Variants in CILP2 observed in about 807,000 individuals in gnomAD.
The protein encoded by CILP2 is CILP-2.
Under a neutral mutation model 45.6 loss-of-function variants are expected in CILP2, and 38 were observed. That is an observed-to-expected ratio of 0.83 (90% CI 0.64 to 1.09). The LOEUF is 1.09. Ranked by LOEUF, CILP2 falls within the 50% of genes least tolerant of loss-of-function variation. The pLI is 0.00. For synonymous variants in CILP2, 780 were observed against 723.5 expected, an observed-to-expected ratio of 1.08 and a Z score of -1.25; for missense variants, 1,735 against 1,662.2, an observed-to-expected ratio of 1.04 and a Z score of -0.76.
At chr19:19,540,056 G>T in intron 2 of CILP2, 148 bp from the exon 3 acceptor site, 4 of 1,163,696 alleles carry the variant, frequency 3.4e-6, no homozygotes, top group Non-Finnish European at 4.6e-6. Context: ...CCCTGCACCT[G>T]TTTCAGGCCG....
At position 19,545,766 on chromosome 19, in the gene CILP2, A is replaced by G. The variant is rs2061263346; in HGVS notation, c.3221A>G (p.Glu1074Gly). ...GACCAGAGCCCACGCTTGGCCAAGGAGATCGCCATTGGCCGCTGCTTTGAT... is the reference window on the plus strand; with the variant it reads ...GACCAGAGCCCACGCTTGGCCAAGGGGATCGCCATTGGCCGCTGCTTTGAT... ...VTDQSPRLAK[E>G]IAIGRCFDGS... The change falls in exon 8 of 8, where the codon GAG becomes GGG. Residue 1074 changes from glutamate (E) to glycine (G), a missense_variant. Glu to Gly is a moderately conservative substitution (Grantham distance 98). Transcript: ENST00000291495. 1 of 1,609,476 alleles carries G rather than the reference A, an allele frequency of 6.2e-7. No homozygotes were observed. Among genetic ancestry groups the G allele is most frequent in the African/African-American group, 1.3e-5 (1 of 74,934 alleles).
rs1398171566 is a variant in CILP2 at position 19,544,484 on chromosome 19, C to T, written c.1939C>T (p.Leu647Phe). 4 of 1,606,230 alleles carry T rather than the reference C, an allele frequency of 2.5e-6. No individual in the cohort carries two copies. Among genetic ancestry groups the T allele is most frequent in the East Asian group, 4.5e-5 (2 of 44,848 alleles). Residue 647 changes from leucine to phenylalanine, a missense_variant, in exon 8 of 8, where the codon CTC (leucine) becomes TTC (phenylalanine). By Grantham distance (22) the Leu-to-Phe change is conservative (BLOSUM62 0). Transcript: ENST00000291495. ...CACCTACGGCATGTTCTCCGTGGAC[C>T]TCCGTGCGCCCGGCTCCGCGGAGCA... is the stretch of plus-strand genomic sequence containing the variant. Reference protein sequence around the residue: ...LRTYGMFSVDLRAPGSAEQLQ... With the variant: ...LRTYGMFSVDFRAPGSAEQLQ...
rs778470110 is a variant in CILP2, at chr19:19,543,287, G to T, written c.1017G>T (p.Gly339=). ...CCCTGCTGGACAGGCGAGCTCATGG[G>T]TACGGGGCCCACCTGGAGCTGCGGG... ...NGTLLDRRAH[G]YGAHLELRGL... Residue 339 remains glycine, a synonymous_variant, in exon 7 of 8, where the codon GGG becomes GGT. Coordinates refer to ENST00000291495, the MANE Select transcript of CILP2 (RefSeq NM_153221.2). 3 of 1,613,800 alleles carry T rather than the reference G, an allele frequency of 1.9e-6. No homozygotes were observed. The highest frequency in any genetic ancestry group is 2.5e-6 in the Non-Finnish European group (3 of 1,180,008).
Position 19,538,431 on chromosome 19 carries a change from C to T in CILP2, c.64+18C>T. On this transcript the variant is annotated intron_variant, in intron 1 of 7. Transcript: ENST00000291495. The stretch of plus-strand genomic sequence containing the variant: ...GGCCCGAGGTGAGGCGCCTCCAGCC[C>T]CCGCGCCCAGCCCCTGAGGCTCCCG... 6.6e-7 allele frequency: 1 copy of T among 1,514,846 alleles called. No homozygotes were observed. The highest frequency in any genetic ancestry group is 2.0e-5 in the Admixed American group (1 of 48,970). 93.8% of individuals were successfully genotyped at this position (1,514,846 alleles called of 1,614,324 possible). A position where few individuals can be genotyped will look rare whatever the true frequency, so the allele number is the denominator to read the frequency against.
chr19:19,544,896 C>T lies in CILP2; in HGVS notation c.2351C>T (p.Ala784Val), dbSNP rs770904080. ...CGTGCCTGGGGCCGCTTTGACAGCG[C>T]GGTCACCGGCCCCAATGGCGCCTGC... ...NPRAWGRFDS[A>V]VTGPNGACLP... The change falls in exon 8 of 8, where the codon GCG becomes GTG. Residue 784 changes from alanine (A) to valine (V), a missense_variant. By Grantham distance (64) the Ala-to-Val change is moderately conservative. Transcript: ENST00000291495. 6 of 1,588,712 alleles carry T rather than the reference C, an allele frequency of 3.8e-6. No homozygotes were observed. In the East Asian group the frequency reaches 9.0e-5, roughly 24 times the overall value.
intron 3 of CILP2, 125 bp downstream of exon 3, chr19:19,540,601 G>A (rs2144675985): frequency 8.9e-7 from 1 of 1,128,180 alleles, no homozygotes; most frequent in East Asian, 3.1e-5. Flanking sequence ...TGGCTGGGAA[G>A]AGCCGGGGGA....
intron 1 of CILP2, 114 bp from the exon 2 acceptor site, chr19:19,539,563 CAA>C (rs34962863): frequency 0.021 from 8,201 of 382,132 alleles, no homozygotes; most frequent in Middle Eastern, 0.025. Context: ...GATTCCGTCT[CAA>C]AAAAAAAAAA....
Position 19,545,972 on chromosome 19 carries a change from G to T in CILP2, c.3427G>T (p.Ala1143Ser). ...MSEAAQAQAR[A>S]SGPLRTRRGR... ...CGAGGCGGCGCAGGCACAGGCCCGG[G>T]CCTCAGGTCCCCTCCGCACCCGCCG... The change falls in exon 8 of 8, where the codon GCC becomes TCC. Residue 1143 changes from alanine to serine, a missense_variant. Ala to Ser is a moderately conservative substitution (Grantham distance 99). Transcript: ENST00000291495. 1 of 1,533,956 alleles carries T rather than the reference G, an allele frequency of 6.5e-7. No individual in the cohort carries two copies.
In CILP2 at chr19:19,545,316, G is replaced by A. The variant is rs1279778257; in HGVS notation, c.2771G>A (p.Gly924Asp). ...GAGGGCACACCTGCCTCCTGGACTG[G>A]CGATCTCCTGGCCTGGTGGCCCAAC... Reference protein sequence around the residue: ...FREGTPASWTGDLLAWWPNPQ... With the variant: ...FREGTPASWTDDLLAWWPNPQ... The change falls in exon 8 of 8, where the codon GGC becomes GAC. Residue 924 changes from glycine (G) to aspartate (D), a missense_variant. Gly to Asp is a moderately conservative substitution (Grantham distance 94). Transcript: ENST00000291495. The A allele has an allele frequency of 6.2e-7, 1 of 1,612,694 alleles. No homozygotes were observed. The highest frequency in any genetic ancestry group is 8.5e-7 in the Non-Finnish European group (1 of 1,179,832).
At chr19:19,539,957 C>G (rs182124624) in intron 2 of CILP2, among the ~76,000 whole-genome samples, 180 bp downstream of exon 2, 1 of 152,168 alleles carries the variant, frequency 6.6e-6, no homozygotes, top group African/African-American at 2.4e-5. Flanking sequence ...AGTGAGAGGC[C>G]GGTCAGACAG....
Position 19,545,325 on chromosome 19 carries a change from TGG to T in CILP2, c.2781_2782del (p.Ala928LeufsTer138), listed in dbSNP as rs750320598. 4 of 1,612,568 alleles carry T rather than the reference TGG, an allele frequency of 2.5e-6. No individual in the cohort carries two copies. Among genetic ancestry groups the T allele is most frequent in the Non-Finnish European group, 3.4e-6 (4 of 1,179,790 alleles). On this transcript the variant is annotated frameshift_variant, in exon 8 of 8. Transcript: ENST00000291495. LOFTEE classifies it low-confidence loss of function (END_TRUNC). ...CCTGCCTCCTGGACTGGCGATCTCC[TGG>T]CCTGGTGGCCCAACCCGCAGGAGTT...
Position 19,543,367 on chromosome 19 carries a change from G to A in CILP2, c.1097G>A (p.Gly366Asp). ...CACTGCAAGGCATGGAATGAGGCGG[G>A]TGCCGTGCGCTCGGGCACTGCCCGG... is the stretch of plus-strand genomic sequence containing the variant. ...IYHCKAWNEA[G>D]AVRSGTARLT... Residue 366 changes from glycine to aspartate, a missense_variant, in exon 7 of 8, where the codon GGT (glycine) becomes GAT (aspartate). Physicochemically the swap from Gly to Asp is moderately conservative, Grantham distance 94 (BLOSUM62 -1). Transcript: ENST00000291495. 1 of 1,613,472 alleles carries A rather than the reference G, an allele frequency of 6.2e-7. No individual in the cohort carries two copies.
Position 19,545,013 on chromosome 19 carries a change from C to T in CILP2, c.2468C>T (p.Ser823Phe), listed in dbSNP as rs866357495. ...GGCGAGGAGCTGGAGCCGGCCCCTT[C>T]CTTGCCCCGCCCACTCCCGGCCACC... Reference protein sequence around the residue: ...LGGEELEPAPSLPRPLPATVG... With the variant: ...LGGEELEPAPFLPRPLPATVG... Residue 823 changes from serine (S) to phenylalanine (F), a missense_variant, in exon 8 of 8, where the codon TCC (serine) becomes TTC (phenylalanine). By Grantham distance (155) the Ser-to-Phe change is radical (BLOSUM62 -2). Coordinates refer to ENST00000291495, the MANE Select transcript of CILP2 (RefSeq NM_153221.2). 1 of 1,604,412 alleles carries T rather than the reference C, an allele frequency of 6.2e-7. No individual in the cohort carries two copies. The highest frequency in any genetic ancestry group is 8.5e-7 in the Non-Finnish European group (1 of 1,178,794).
In CILP2 at chr19:19,540,260, T is replaced by A. The variant is rs1048810483; in HGVS notation, c.220T>A (p.Phe74Ile). 2.5e-6 allele frequency: 4 copies of A among 1,603,126 alleles called. No individual in the cohort carries two copies. The African/African-American group carries it at 5.4e-5, about 22-fold the overall frequency. ...GGACCACCCCGGAGGCGACGGCGAC[T>A]TCGAGAGCCTGGCTGCCATCCGCTT... ...NVDHPGGDGD[F>I]ESLAAIRFYY... The change falls in exon 3 of 8, where the codon TTC becomes ATC. Residue 74 changes from phenylalanine (F) to isoleucine (I), a missense_variant. By Grantham distance (21) the Phe-to-Ile change is conservative (BLOSUM62 0). Coordinates refer to ENST00000291495, the MANE Select transcript of CILP2 (RefSeq NM_153221.2).
intron 1 of CILP2, among the ~76,000 whole-genome samples, chr19:19,538,753 G>A (rs1293549524): frequency 6.6e-6 from 1 of 152,212 alleles, no homozygotes; most frequent in African/African-American, 2.4e-5. Flanking sequence ...AACCGCTGGA[G>A]AAAGAAATGC....
chr19:19,545,855 T>C lies in CILP2; in HGVS notation c.3310T>C (p.Cys1104Arg). Residue 1104 changes from cysteine (C) to arginine (R), a missense_variant, in exon 8 of 8, where the codon TGC becomes CGC. Coordinates refer to ENST00000291495, the MANE Select transcript of CILP2 (RefSeq NM_153221.2). ...ADAGTAVTFQCREPPAGRPSL... is the reference protein window; with the variant it reads ...ADAGTAVTFQRREPPAGRPSL... ...TGCCGGCACAGCCGTCACCTTCCAG[T>C]GCCGGGAGCCACCGGCCGGACGACC... 1 of 1,585,882 alleles carries C rather than the reference T, an allele frequency of 6.3e-7. No individual in the cohort carries two copies. Among genetic ancestry groups the C allele is most frequent in the Non-Finnish European group, 8.6e-7 (1 of 1,160,712 alleles).
rs1344989823 is a variant in CILP2 at position 19,545,442 on chromosome 19, G to A, written c.2897G>A (p.Arg966His). The change falls in exon 8 of 8, where the codon CGC becomes CAC. Residue 966 changes from arginine (R) to histidine (H), a missense_variant. Transcript: ENST00000291495. ...HNAGGSHPRT[R>H]GQLYGLRDAR... Reference sequence around the variant, plus strand: ...GCAGGGGGCAGCCACCCACGCACCCGCGGCCAGCTCTACGGACTTCGGGAT... The same window carrying A: ...GCAGGGGGCAGCCACCCACGCACCCACGGCCAGCTCTACGGACTTCGGGAT... 7.4e-6 allele frequency: 12 copies of A among 1,612,348 alleles called. No individual in the cohort carries two copies. The highest frequency in any genetic ancestry group is 1.0e-5 in the Non-Finnish European group (12 of 1,179,658).
chr19:19,546,386 C>T lies in CILP2; in HGVS notation c.*370C>T, dbSNP rs948200523. The T allele has an allele frequency of 2.3e-5, 4 of 173,024 alleles. No homozygotes were observed. The highest frequency in any genetic ancestry group is 3.6e-5 in the Non-Finnish European group (3 of 82,244). The allele number at this position is 173,024 out of a possible 1,614,324, so 10.7% of individuals were successfully genotyped here. On this transcript the variant is annotated 3_prime_UTR_variant, in exon 8 of 8. Transcript: ENST00000291495. ...AGTTCTGGCGTTTGGCACAAAGTCC[C>T]CTCTGCCTGTTTGGAGCTCAGTGCT...
In CILP2 at chr19:19,540,246, G is replaced by A; in HGVS notation, c.206G>A (p.Gly69Glu). The A allele has an allele frequency of 6.2e-7, 1 of 1,603,442 alleles. No homozygotes were observed. The highest frequency in any genetic ancestry group is 8.5e-7 in the Non-Finnish European group (1 of 1,177,562). Residue 69 changes from glycine to glutamate, a missense_variant, in exon 3 of 8, where the codon GGA (glycine) becomes GAA (glutamate). By Grantham distance (98) the Gly-to-Glu change is moderately conservative. Coordinates refer to ENST00000291495, the MANE Select transcript of CILP2 (RefSeq NM_153221.2). ...WTSWFNVDHPGGDGDFESLAA... is the reference protein window; with the variant it reads ...WTSWFNVDHPEGDGDFESLAA... ...TCCTGGTTCAACGTGGACCACCCCG[G>A]AGGCGACGGCGACTTCGAGAGCCTG...
Sources: allele counts gnomAD v4.1 joint callset (sites outside exome capture counted in the v4.1 genomes callset), GRCh38; gene constraint gnomAD v4.1.1; transcripts MANE v1.5; gene names NCBI Gene and HGNC (gene_info 2026-07-23, HGNC 2026-07-21).